SRL: variants seen among roughly 807,000 people sequenced by gnomAD.
SRL encodes sarcalumenin.
SRL carries 23 observed loss-of-function variants against 39.5 expected under a neutral mutation model. The ratio of observed to expected loss-of-function variants is 0.58; its 90% CI spans 0.42 to 0.82. SRL has a LOEUF of 0.82. Among genes scored for constraint, SRL ranks in the 40% least tolerant of loss-of-function variants. The pLI is 0.00. For missense variants in SRL, 592 were observed against 607.8 expected (o/e 0.97, Z 0.27); for synonymous variants, 272 against 237.4 (o/e 1.15, Z -1.34).
At chr16:4,229,045 T>C (rs2052629878) in intron 1 of SRL, among the ~76,000 whole-genome samples, 1 of 151,984 alleles carries the variant, frequency 6.6e-6, no homozygotes, top group South Asian at 2.1e-4. Context: ...CACTGCAGCG[T>C]TACTCACAAC....
At chr16:4,225,271 T>C (rs1259899236) in intron 1 of SRL, among the ~76,000 whole-genome samples, 2 of 152,156 alleles carry the variant, frequency 1.3e-5, no homozygotes, top group African/African-American at 2.4e-5. Flanking sequence ...GAATTATATC[T>C]CAATAAACCT....
chr16:4,241,882 G>C, intron 1 of SRL, 125 bp downstream of exon 1: 2 of 987,774 alleles, frequency 2.0e-6, no homozygotes, highest in Non-Finnish European at 3.1e-6. Flanking sequence ...AGGGTAAGAA[G>C]ACACCAGCCA....
chr16:4,227,001 T>C (rs894756934), intron 1 of SRL, among the ~76,000 whole-genome samples: 1 of 147,488 alleles, frequency 6.8e-6, no homozygotes, highest in Non-Finnish European at 1.5e-5. Context: ...GATGAGTGGG[T>C]GGATGGATGG....
chr16:4,206,064 G>A (rs1462653961), intron 1 of SRL, among the ~76,000 whole-genome samples: 2 of 152,182 alleles, frequency 1.3e-5, no homozygotes, highest in African/African-American at 4.8e-5. Flanking sequence ...CTAAGTCCAT[G>A]TACTAAGCAG....
intron 1 of SRL, among the ~76,000 whole-genome samples, chr16:4,234,559 T>A (rs1274286331): frequency 6.6e-6 from 1 of 152,170 alleles, no homozygotes; most frequent in Non-Finnish European, 1.5e-5. Context: ...TTCTCTGATA[T>A]TAGAGAAGGA....
chr16:4,234,393 T>G (rs1388067125), intron 1 of SRL, among the ~76,000 whole-genome samples: 1 of 152,196 alleles, frequency 6.6e-6, no homozygotes, highest in Non-Finnish European at 1.5e-5. Context: ...GCTCAGCAAT[T>G]GCTGCTCTGG....
intron 1 of SRL, among the ~76,000 whole-genome samples, chr16:4,210,616 G>T (rs541766847): frequency 1.3e-5 from 2 of 149,422 alleles, no homozygotes; most frequent in Non-Finnish European, 3.0e-5. Flanking sequence ...TCAGCCTCCC[G>T]AGTAGCTGGA....
intron 1 of SRL, among the ~76,000 whole-genome samples, chr16:4,227,059 G>A (rs951155034): frequency 1.3e-5 from 2 of 151,642 alleles, no homozygotes; most frequent in Non-Finnish European, 2.9e-5. Context: ...TGAATGGATG[G>A]ATGGATGGAT....
In SRL at chr16:4,203,203, G is replaced by A. The variant is rs758180974; in HGVS notation, c.222C>T (p.Ser74=). ...YHSSIKPLEQ[S]YKYNELRQHE... is the part of the protein sequence containing the mutation. ...GCTGCCGGAGCTCATTGTACTTGTA[G>A]GACTGCTCCAGAGGCTTGATGGATG... is the stretch of plus-strand genomic sequence containing the variant. The change falls in exon 3 of 6, where the codon TCC becomes TCT. Residue 74 remains serine (S), a synonymous_variant. Transcript: ENST00000399609. 1 of 1,614,218 alleles carries A rather than the reference G, an allele frequency of 6.2e-7. No individual in the cohort carries two copies. The highest frequency in any genetic ancestry group is 8.5e-7 in the Non-Finnish European group (1 of 1,180,030).
rs11639738 is a variant in SRL, at chr16:4,191,304, G to A, written c.*849C>T. The A allele has an allele frequency of 0.12, 17,874 of 152,424 alleles. 1,258 individuals are homozygous for A. Among genetic ancestry groups the A allele is most frequent in the Middle Eastern group, 0.19 (55 of 296 alleles). The allele number at this position is 152,424 out of a possible 1,614,324, so 9.4% of individuals were successfully genotyped here. On this transcript the variant is annotated 3_prime_UTR_variant, in exon 6 of 6. Transcript: ENST00000399609. The stretch of plus-strand genomic sequence containing the variant: ...CCTTGAGGAAACCAGGAGCAAGTCC[G>A]GGGGATTGGCTCAAAACCCAGGTGG...
intron 1 of SRL, among the ~76,000 whole-genome samples, chr16:4,232,250 C>G (rs1188383200): frequency 6.6e-6 from 1 of 152,238 alleles, no homozygotes; most frequent in African/African-American, 2.4e-5. Context: ...GTACTTGACA[C>G]TTCTCCAGTT....
At chr16:4,218,086 G>C (rs1387761479) in intron 1 of SRL, among the ~76,000 whole-genome samples, 2 of 152,146 alleles carry the variant, frequency 1.3e-5, no homozygotes, top group Non-Finnish European at 1.5e-5. Flanking sequence ...TCGTTCTGCT[G>C]ATCCCAAAGT....
intron 5 of SRL, among the ~76,000 whole-genome samples, chr16:4,194,710 T>C (rs1455165550): frequency 6.6e-6 from 1 of 152,098 alleles, no homozygotes; most frequent in African/African-American, 2.4e-5. Context: ...TGGAAAATAT[T>C]GCCGTCTCCA....
Position 4,197,814 on chromosome 16 carries a change from A to G in SRL, c.361T>C (p.Tyr121His). 1 of 1,606,950 alleles carries G rather than the reference A, an allele frequency of 6.2e-7. No homozygotes were observed. The highest frequency in any genetic ancestry group is 2.2e-5 in the East Asian group (1 of 44,862). ...NYLLGLENTR[Y>H]QLYTGAEPTT... ...TATTGATTACCTGTATAGAGCTGAT[A>G]GCGAGTATTTTCCAGCCCAAGGAGG... Residue 121 changes from tyrosine to histidine, a missense_variant, in exon 4 of 6, where the codon TAT becomes CAT. Transcript: ENST00000399609.
In SRL at chr16:4,199,637, C is replaced by T. The variant is rs181723732; in HGVS notation, c.260-1722G>A. Among the ~76,000 whole-genome samples, 145 of 149,996 alleles carry T rather than the reference C, an allele frequency of 9.7e-4. 3 individuals are homozygous for T. In the East Asian group the frequency reaches 0.026, roughly 27 times the overall value. On this transcript the variant is annotated intron_variant, in intron 3 of 5. Transcript: ENST00000399609. Reference sequence around the variant, plus strand: ...CCACCCACCTTGGCCTCCCAAAGTGCTTCTATTGCAGGCATGAGCCCGGCA... The same window carrying T: ...CCACCCACCTTGGCCTCCCAAAGTGTTTCTATTGCAGGCATGAGCCCGGCA...
At chr16:4,201,934 G>A (rs1194115456) in intron 3 of SRL, among the ~76,000 whole-genome samples, 1 of 152,098 alleles carries the variant, frequency 6.6e-6, no homozygotes, top group Admixed American at 6.6e-5. Context: ...TATTACAGGT[G>A]TGAGCCACCA....
At chr16:4,225,939 C>T (rs144641364) in intron 1 of SRL, among the ~76,000 whole-genome samples, 1 of 152,082 alleles carries the variant, frequency 6.6e-6, no homozygotes, top group Non-Finnish European at 1.5e-5. Context: ...TGTGCCCCCT[C>T]GTCCACTGTG....
intron 1 of SRL, among the ~76,000 whole-genome samples, chr16:4,211,905 G>C (rs530426959): frequency 6.6e-6 from 1 of 152,178 alleles, no homozygotes; most frequent in Non-Finnish European, 1.5e-5. Context: ...ATGATGATGA[G>C]AATGATAGTG....
chr16:4,226,657 G>C (rs1435410869), intron 1 of SRL, among the ~76,000 whole-genome samples: 2 of 151,876 alleles, frequency 1.3e-5, no homozygotes, highest in African/African-American at 4.8e-5. Context: ...AAGGAAGGGT[G>C]AATGGAAGGA....
Sources: gnomAD v4.1 joint callset for allele counts (sites outside exome capture counted in the v4.1 genomes callset) on GRCh38, gnomAD v4.1.1 for gene constraint, MANE v1.5 for transcripts, NCBI Gene and HGNC (gene_info 2026-07-23, HGNC 2026-07-21) for gene names.